IQSEC1: variants seen among roughly 807,000 people sequenced by gnomAD.
The protein encoded by IQSEC1 is IQ motif and SEC7 domain-containing protein 1.
A neutral mutation model predicts 91.0 loss-of-function variants in IQSEC1; 31 were observed. That is an observed-to-expected ratio of 0.34 (90% CI 0.26 to 0.46). The LOEUF (loss-of-function observed/expected upper bound fraction) is 0.46. IQSEC1 is among the 20% of genes least tolerant of loss of function. The pLI is 1.00. For missense variants in IQSEC1, 1,388 were observed against 1,575.6 expected, an observed-to-expected ratio of 0.88 and a Z score of 2.02; for synonymous variants, 699 against 662.6, an observed-to-expected ratio of 1.05 and a Z score of -0.84.
intron 1 of IQSEC1, among the ~76,000 whole-genome samples, chr3:13,189,813 T>C (rs1693991764): frequency 6.6e-6 from 1 of 152,216 alleles, no homozygotes; most frequent in Admixed American, 6.5e-5. Context: ...ACCACCTCAG[T>C]GGGCCTTCCC....
intron 1 of IQSEC1, among the ~76,000 whole-genome samples, chr3:12,963,490 A>G (rs1700368187): frequency 6.6e-6 from 1 of 152,250 alleles, no homozygotes; most frequent in South Asian, 2.1e-4. Context: ...CAATTTCACA[A>G]ACGGGAAAAG....
intron 1 of IQSEC1, among the ~76,000 whole-genome samples, chr3:13,202,665 G>A (rs1439100493): frequency 1.3e-5 from 2 of 152,148 alleles, no homozygotes; most frequent in African/African-American, 4.8e-5. Flanking sequence ...TGGGGACAGA[G>A]TTTCAGTGTG....
At chr3:13,277,343 A>G (rs1418385190) in intron 1 of IQSEC1, among the ~76,000 whole-genome samples, 2 of 152,266 alleles carry the variant, frequency 1.3e-5, no homozygotes, top group African/African-American at 4.8e-5. Context: ...CTGAATCCAG[A>G]AAGGGGAGGC....
intron 1 of IQSEC1, among the ~76,000 whole-genome samples, chr3:13,274,740 G>C (rs1225879451): frequency 6.6e-6 from 1 of 151,758 alleles, no homozygotes; most frequent in African/African-American, 2.4e-5. Flanking sequence ...TGGGTGTGCT[G>C]CATGGCTTAG....
chr3:12,969,407 TA>T (rs1381898965), intron 1 of IQSEC1, among the ~76,000 whole-genome samples: 1 of 151,808 alleles, frequency 6.6e-6, no homozygotes, highest in African/African-American at 2.4e-5. Context: ...AAGGCCATAA[TA>T]AAAAAGATGG....
intron 6 of IQSEC1, among the ~76,000 whole-genome samples, chr3:12,917,978 G>A (rs1696266019): frequency 6.6e-6 from 1 of 152,212 alleles, no homozygotes; most frequent in African/African-American, 2.4e-5. Context: ...ACTCCAGAGA[G>A]GATGTGTGTT....
At chr3:13,251,931 T>G (rs543470181) in intron 1 of IQSEC1, among the ~76,000 whole-genome samples, 1 of 152,338 alleles carries the variant, frequency 6.6e-6, no homozygotes, top group East Asian at 1.9e-4. Flanking sequence ...TGACCTCATG[T>G]AGCTGAAAGC....
At chr3:13,053,234 T>A (rs78607022) in intron 1 of IQSEC1, 5 of 606,206 alleles carry the variant, frequency 8.2e-6, no homozygotes, top group African/African-American at 7.4e-5. Context: ...CATCCTTCCA[T>A]GAGCTTCTCT....
intron 1 of IQSEC1, among the ~76,000 whole-genome samples, chr3:13,005,493 G>A (rs1055834554): frequency 2.0e-5 from 3 of 152,080 alleles, no homozygotes; most frequent in East Asian, 1.9e-4. Context: ...CAGTCAGCAC[G>A]TAGCTGGGTG....
At chr3:12,947,186 G>C (rs1201267836) in intron 1 of IQSEC1, among the ~76,000 whole-genome samples, 1 of 152,228 alleles carries the variant, frequency 6.6e-6, no homozygotes, top group Non-Finnish European at 1.5e-5. Context: ...CGAGGCTAGA[G>C]ATTTCTCCTG....
intron 2 of IQSEC1, among the ~76,000 whole-genome samples, chr3:13,090,664 G>GAGAGC: frequency 6.6e-6 from 1 of 152,256 alleles, no homozygotes; most frequent in Admixed American, 6.5e-5. Flanking sequence ...ACCACATCCC[G>GAGAGC]AGAGCCCCTT....
chr3:13,154,943 G>GA (rs1358469524), intron 2 of IQSEC1, among the ~76,000 whole-genome samples: 1 of 151,392 alleles, frequency 6.6e-6, no homozygotes, highest in African/African-American at 2.4e-5. Flanking sequence ...TAGAGGAGAA[G>GA]AAAAAAAACA....
At chr3:13,227,288 A>T (rs1694769610) in intron 1 of IQSEC1, among the ~76,000 whole-genome samples, 1 of 144,874 alleles carries the variant, frequency 6.9e-6, no homozygotes, top group African/African-American at 2.6e-5. Context: ...AGGCAGGAGA[A>T]TTACTCGAAC....
chr3:12,907,614 T>TAA (rs1695124923), intron 12 of IQSEC1, among the ~76,000 whole-genome samples: 1 of 152,158 alleles, frequency 6.6e-6, no homozygotes, highest in Non-Finnish European at 1.5e-5. Context: ...GCCTCTTTTC[T>TAA]CTCCTGCCCC....
intron 1 of IQSEC1, among the ~76,000 whole-genome samples, chr3:13,169,001 C>T (rs1054065820): frequency 6.6e-6 from 1 of 152,208 alleles, no homozygotes; most frequent in African/African-American, 2.4e-5. Flanking sequence ...TCTTATTTAT[C>T]ACCATATTCC....
chr3:13,197,302 A>G (rs1694152430), intron 1 of IQSEC1, among the ~76,000 whole-genome samples: 1 of 152,234 alleles, frequency 6.6e-6, no homozygotes, highest in Non-Finnish European at 1.5e-5. Context: ...ACAGCGGGAA[A>G]GAGGCATCTT....
intron 1 of IQSEC1, among the ~76,000 whole-genome samples, chr3:13,230,909 T>C (rs1694829456): frequency 6.6e-6 from 1 of 152,262 alleles, no homozygotes; most frequent in Non-Finnish European, 1.5e-5. Flanking sequence ...CAGACTGATG[T>C]GGATTGTGTG....
intron 12 of IQSEC1, among the ~76,000 whole-genome samples, chr3:12,904,412 A>G (rs778564227): frequency 2.6e-5 from 4 of 152,252 alleles, no homozygotes; most frequent in Non-Finnish European, 4.4e-5. Flanking sequence ...GCTGAAGACT[A>G]GGACAGCCAA....
In IQSEC1 at chr3:12,936,151, C is replaced by T. The variant is rs771507649; in HGVS notation, c.865G>A (p.Val289Ile). Residue 289 changes from valine to isoleucine, a missense_variant, in exon 3 of 14, where the codon GTC becomes ATC. Physicochemically the swap from Val to Ile is conservative, Grantham distance 29 (BLOSUM62 3). Coordinates refer to ENST00000613206, the MANE Select transcript of IQSEC1 (RefSeq NM_001134382.3). ...TCCTCCTCATCGATGTACAGGGTGA[C>T]ATCACTGTACGAGGCCGTCATCTCG... is the stretch of plus-strand genomic sequence containing the variant. ...LDEMTASYSD[V>I]TLYIDEEELS... is the part of the protein sequence containing the mutation. 9 of 1,612,624 alleles carry T rather than the reference C, an allele frequency of 5.6e-6. No homozygotes were observed. Among genetic ancestry groups the T allele is most frequent in the Non-Finnish European group, 6.8e-6 (8 of 1,179,884 alleles).
Sources: gnomAD v4.1 joint callset for allele counts (sites outside exome capture counted in the v4.1 genomes callset) on GRCh38, gnomAD v4.1.1 for gene constraint, MANE v1.5 for transcripts, NCBI Gene and HGNC (gene_info 2026-07-23, HGNC 2026-07-21) for gene names.